Variants in ZC3H7B observed in about 807,000 individuals in gnomAD.
ZC3H7B encodes zinc finger CCCH-type containing 7B, also known as zinc finger CCCH domain-containing protein 7B.
Under a neutral mutation model 116.0 loss-of-function variants are expected in ZC3H7B, and 35 were observed. That is an observed-to-expected ratio of 0.30 (90% CI 0.23 to 0.40). ZC3H7B has a LOEUF of 0.40. Ranked by LOEUF, ZC3H7B falls within the 10% of genes least tolerant of loss-of-function variation. The probability of loss-of-function intolerance (pLI) is 1.00; values close to 1 mark genes in which losing one functional copy is unlikely to be tolerated. For missense variants in ZC3H7B, 1,011 were observed against 1,321.5 expected (o/e 0.77, Z 3.64); for synonymous variants, 502 against 545.6 (o/e 0.92, Z 1.11).
At position 41,340,007 on chromosome 22, in the gene ZC3H7B, G is replaced by A; in HGVS notation, c.1008G>A (p.Leu336=). Residue 336 remains leucine, a synonymous_variant, in exon 10 of 23, where the codon CTG becomes CTA. Transcript: ENST00000352645. The part of the protein sequence containing the change: ...DPSKKLAASV[L]DALDPPGPTL... Reference sequence around the variant, plus strand: ...CCAAGAAGCTGGCCGCCTCTGTGCTGGATGCCCTCGATCCCCCGGGCCCCA... The same window carrying A: ...CCAAGAAGCTGGCCGCCTCTGTGCTAGATGCCCTCGATCCCCCGGGCCCCA... 1 of 1,611,198 alleles carries A rather than the reference G, an allele frequency of 6.2e-7. No individual in the cohort carries two copies. Among genetic ancestry groups the A allele is most frequent in the South Asian group, 1.1e-5 (1 of 91,072 alleles).
At position 41,356,435 on chromosome 22, in the gene ZC3H7B, G is replaced by A; in HGVS notation, c.2476G>A (p.Glu826Lys). 6.2e-7 allele frequency: 1 copy of A among 1,614,176 alleles called. No homozygotes were observed. The highest frequency in any genetic ancestry group is 8.5e-7 in the Non-Finnish European group (1 of 1,180,026). Residue 826 changes from glutamate to lysine, a missense_variant, in exon 21 of 23, where the codon GAG becomes AAG. Physicochemically the swap from Glu to Lys is moderately conservative, Grantham distance 56 (BLOSUM62 1). This residue lies in a region of ZC3H7B where 406 missense variants were observed against 590.2 expected (regional missense o/e 0.69). Transcript: ENST00000352645. ...GACCCCCATCAGTTCTCGGGAAGGG[G>A]AGAAGCAGATCCAGATGCCCACGGA... ...EGTPISSREG[E>K]KQIQMPTDYA...
chr22:41,337,899 G>T (rs1439801382), intron 7 of ZC3H7B, among the ~76,000 whole-genome samples: 2 of 147,460 alleles, frequency 1.4e-5, no homozygotes, highest in South Asian at 2.1e-4. Context: ...GTAGAGTCTC[G>T]CTCTGTTGCC....
At chr22:41,333,673 G>A (rs1228642282) in intron 7 of ZC3H7B, 1 of 152,132 alleles carries the variant, frequency 6.6e-6, no homozygotes, top group Admixed American at 6.6e-5. Context: ...GTGCTCCAAC[G>A]AGAAAACATT....
intron 1 of ZC3H7B, among the ~76,000 whole-genome samples, chr22:41,303,490 A>T (rs533273508): frequency 8.5e-5 from 13 of 152,338 alleles, no homozygotes; most frequent in Middle Eastern, 3.4e-3. Context: ...TCTGAAAATA[A>T]TCCCTCAATC....
In ZC3H7B at chr22:41,338,949, C is replaced by T; in HGVS notation, c.626-52C>T. ...CATCACGGGGCCCGGGACGCCTCCT[C>T]CACCCTCACCAAGCAGTGCTCCCCT... is the stretch of plus-strand genomic sequence containing the variant. On this transcript the variant is annotated intron_variant, in intron 8 of 22. Transcript: ENST00000352645. This position sits in a 1 kb window ranked among gnomAD's most constrained non-coding sequence, Gnocchi z 4.5. The T allele has an allele frequency of 1.4e-6, 2 of 1,480,858 alleles. No individual in the cohort carries two copies. Among genetic ancestry groups the T allele is most frequent in the Middle Eastern group, 2.1e-4 (1 of 4,830 alleles). 91.7% of individuals were successfully genotyped at this position (1,480,858 alleles called of 1,614,324 possible). A position where few individuals can be genotyped will look rare whatever the true frequency, so the allele number is the denominator to read the frequency against.
rs554468976 is a variant in ZC3H7B at position 41,310,247 on chromosome 22, T to C, written c.-7+8475T>C. The stretch of plus-strand genomic sequence containing the variant: ...AAAACTTACAGGATAATTATGTCTG[T>C]TGTGAGTGCTCTCTACAGCACCCAG... On this transcript the variant is annotated intron_variant, in intron 1 of 22. Transcript: ENST00000352645. Among the ~76,000 whole-genome samples, 12 of 152,232 alleles carry C rather than the reference T, an allele frequency of 7.9e-5. No individual in the cohort carries two copies. The South Asian group carries it at 1.5e-3, about 18-fold the overall frequency.
At chr22:41,345,242 C>T (rs1373672980) in intron 13 of ZC3H7B, among the ~76,000 whole-genome samples, 2 of 152,226 alleles carry the variant, frequency 1.3e-5, no homozygotes, top group East Asian at 3.8e-4. Context: ...CGCCAAATTA[C>T]ATGCTCTTAA....
intron 5 of ZC3H7B, among the ~76,000 whole-genome samples, chr22:41,329,564 T>A (rs556320532): frequency 2.4e-4 from 36 of 152,166 alleles, no homozygotes; most frequent in African/African-American, 8.7e-4. Flanking sequence ...CAGCCAGAAG[T>A]AAGCATTCTT....
chr22:41,344,361 A>T (rs2036559906), intron 13 of ZC3H7B, among the ~76,000 whole-genome samples: 1 of 152,168 alleles, frequency 6.6e-6, no homozygotes, highest in Non-Finnish European at 1.5e-5. Flanking sequence ...AAAGGCCTCC[A>T]TCAGCCACTG....
Position 41,357,555 on chromosome 22 carries a change from C to T in ZC3H7B, c.*126C>T. 1 of 1,039,082 alleles carries T rather than the reference C, an allele frequency of 9.6e-7. No homozygotes were observed. The highest frequency in any genetic ancestry group is 2.9e-5 in the East Asian group (1 of 33,940). 64.4% of individuals were successfully genotyped at this position (1,039,082 alleles called of 1,614,324 possible). The stretch of plus-strand genomic sequence containing the variant: ...GCCCTCATCAGGCAGCCCCCAGCCC[C>T]CTGAGGCCCTGTCCATCTTCTCCCC... On this transcript the variant is annotated 3_prime_UTR_variant, in exon 23 of 23. Transcript: ENST00000352645. The surrounding 1 kb of genome is among the most constrained non-coding windows in gnomAD (Gnocchi z 5.4).
chr22:41,343,433 A>T lies in ZC3H7B; in HGVS notation c.1316A>T (p.Tyr439Phe). The stretch of plus-strand genomic sequence containing the variant: ...CCCATAGGCCCCCGGGCTGGCGACT[A>T]CACCTACCGTGAGGGCCTTGAGCAC... ...YPKTGPRAGD[Y>F]TYREGLEHKC... is the part of the protein sequence containing the mutation. The change falls in exon 13 of 23, where the codon TAC (tyrosine) becomes TTC (phenylalanine). Residue 439 changes from tyrosine (Y) to phenylalanine (F), a missense_variant. By Grantham distance (22) the Tyr-to-Phe change is conservative (BLOSUM62 3). Around this residue, in one of 5 missense-constraint regions of ZC3H7B, gnomAD observed 179 missense variants for 178.5 expected, o/e 1.00. Coordinates refer to ENST00000352645, the MANE Select transcript of ZC3H7B (RefSeq NM_017590.6). 1 of 1,612,480 alleles carries T rather than the reference A, an allele frequency of 6.2e-7. No homozygotes were observed. The highest frequency in any genetic ancestry group is 8.5e-7 in the Non-Finnish European group (1 of 1,178,886).
chr22:41,307,091 A>G (rs1050602019), intron 1 of ZC3H7B, among the ~76,000 whole-genome samples: 1 of 150,400 alleles, frequency 6.6e-6, no homozygotes, highest in African/African-American at 2.5e-5. Flanking sequence ...CTCCTGCCTC[A>G]GCCTCCTGAG....
At chr22:41,303,367 C>T (rs1373221926) in intron 1 of ZC3H7B, among the ~76,000 whole-genome samples, 1 of 152,118 alleles carries the variant, frequency 6.6e-6, no homozygotes, top group Non-Finnish European at 1.5e-5. Context: ...ATAGGTTAGA[C>T]AGGAATGGGG....
intron 2 of ZC3H7B, 98 bp downstream of exon 2, chr22:41,320,811 C>A: frequency 1.3e-6 from 2 of 1,535,270 alleles, no homozygotes; most frequent in African/African-American, 1.4e-5. Context: ...TGCTGCTGAG[C>A]CTTTGCTGCC....
chr22:41,357,009 G>A lies in ZC3H7B; in HGVS notation c.2682-168G>A, dbSNP rs1677274786. Among the ~76,000 whole-genome samples, 1 of 152,170 alleles carries A rather than the reference G, an allele frequency of 6.6e-6. No individual in the cohort carries two copies. Among genetic ancestry groups the A allele is most frequent in the Non-Finnish European group, 1.5e-5 (1 of 68,026 alleles). On this transcript the variant is annotated intron_variant, in intron 22 of 22. Coordinates refer to ENST00000352645, the MANE Select transcript of ZC3H7B (RefSeq NM_017590.6). This position sits in a 1 kb window ranked among gnomAD's most constrained non-coding sequence, Gnocchi z 5.4. ...CTATCTAGACCTTTAATTTGCAGCTGTGGGGCAGATCCCAGAGAGGGTCAG... is the reference window on the plus strand; with the variant it reads ...CTATCTAGACCTTTAATTTGCAGCTATGGGGCAGATCCCAGAGAGGGTCAG...
At chr22:41,303,261 TGAG>T (rs1169399602) in intron 1 of ZC3H7B, among the ~76,000 whole-genome samples, 1 of 151,850 alleles carries the variant, frequency 6.6e-6, no homozygotes, top group Non-Finnish European at 1.5e-5. Context: ...CCAGGAGGGA[TGAG>T]ATCTGAGGAT....
chr22:41,358,777 C>G lies in ZC3H7B; in HGVS notation c.*1348C>G, dbSNP rs13053386. ...GTCTGACATGTCTGTGTGCACCCCC[C>G]TCCTCTCCACCCTACCTTCCATCAA... On this transcript the variant is annotated 3_prime_UTR_variant, in exon 23 of 23. Transcript: ENST00000352645. The G allele has an allele frequency of 6.5e-6, 1 of 154,912 alleles. No homozygotes were observed. Among genetic ancestry groups the G allele is most frequent in the African/African-American group, 2.4e-5 (1 of 41,442 alleles). 9.6% of individuals were successfully genotyped at this position (154,912 alleles called of 1,614,324 possible). A position where few individuals can be genotyped will look rare whatever the true frequency, so the allele number is the denominator to read the frequency against.
intron 1 of ZC3H7B, among the ~76,000 whole-genome samples, chr22:41,318,908 G>A (rs13057907): frequency 0.37 from 56,698 of 151,872 alleles, 11,453 homozygotes; most frequent in Non-Finnish European, 0.45. Context: ...CCCTCTGCCC[G>A]GAGCCCTTTC....
intron 7 of ZC3H7B, among the ~76,000 whole-genome samples, chr22:41,337,953 C>T (rs1195242113): frequency 6.6e-6 from 1 of 151,762 alleles, no homozygotes; most frequent in East Asian, 1.9e-4. Flanking sequence ...CTGCAACATC[C>T]ACCTCCTGGG....
Sources: allele counts gnomAD v4.1 joint callset (sites outside exome capture counted in the v4.1 genomes callset), GRCh38; gene constraint gnomAD v4.1.1; regional missense constraint gnomAD v4.1.1; non-coding constraint Gnocchi (gnomAD v3.1); transcripts MANE v1.5; gene names NCBI Gene and HGNC (gene_info 2026-07-23, HGNC 2026-07-21).